Variants in LCOR observed in about 807,000 individuals in gnomAD.
The protein encoded by LCOR is ligand dependent nuclear receptor corepressor.
In LCOR, 14 loss-of-function variants were observed where a neutral mutation model predicts 64.4. The observed-to-expected ratio is 0.22, with a 90% CI of 0.14 to 0.34. LCOR has a LOEUF of 0.34. Ranked by LOEUF, LCOR falls within the 10% of genes least tolerant of loss-of-function variation. The pLI is 1.00. For synonymous variants in LCOR, 643 were observed against 642.5 expected (o/e 1.00, Z -0.01); for missense variants, 1,686 against 1,765.3 (o/e 0.96, Z 0.80).
At chr10:96,958,531 G>A (rs977781922) in intron 7 of LCOR, 5 of 721,304 alleles carry the variant, frequency 6.9e-6, no homozygotes, top group Non-Finnish European at 1.2e-5. Context: ...GAAAATTTGA[G>A]TACTTCTATT....
In LCOR at chr10:96,984,808, A is replaced by T. The variant is rs1384073268; in HGVS notation, c.4348A>T (p.Thr1450Ser). Residue 1450 changes from threonine to serine, a missense_variant, in exon 8 of 8, where the codon ACG becomes TCG. By Grantham distance (58) the Thr-to-Ser change is moderately conservative. This residue lies in a region of LCOR where 1,293 missense variants were observed against 1,410.4 expected (regional missense o/e 0.92). Transcript: ENST00000421806. Reference sequence around the variant, plus strand: ...CAGAAGCAGCCAACCCCCCAAAAAGACGTCTTTGAAAGAGAATAAAGTGAA... The same window carrying T: ...CAGAAGCAGCCAACCCCCCAAAAAGTCGTCTTTGAAAGAGAATAAAGTGAA... Reference protein sequence around the residue: ...RDRSSQPPKKTSLKENKVKIP... With the variant: ...RDRSSQPPKKSSLKENKVKIP... 1.2e-6 allele frequency: 2 copies of T among 1,614,098 alleles called. No individual in the cohort carries two copies. The highest frequency in any genetic ancestry group is 1.1e-5 in the South Asian group (1 of 91,076).
intron 7 of LCOR, among the ~76,000 whole-genome samples, chr10:96,969,150 G>A (rs1441761252): frequency 1.3e-5 from 2 of 152,200 alleles, no homozygotes; most frequent in African/African-American, 4.8e-5. Context: ...AGCACCTGAT[G>A]GGCATGAATT....
chr10:96,910,472 G>T (rs1312317129), intron 4 of LCOR, among the ~76,000 whole-genome samples: 1 of 152,222 alleles, frequency 6.6e-6, no homozygotes, highest in Non-Finnish European at 1.5e-5. Context: ...TGAATTGTCA[G>T]ATTTACAGTA....
chr10:96,982,468 C>T lies in LCOR; in HGVS notation c.2008C>T (p.Leu670Phe), dbSNP rs149255891. ...EEMSVPQDCH[L>F]LPSTESFSGG... ...GATGAGTGTACCCCAGGACTGTCAC[C>T]TCCTTCCCTCCACTGAAAGCTTTTC... is the stretch of plus-strand genomic sequence containing the variant. The change falls in exon 8 of 8, where the codon CTC becomes TTC. Residue 670 changes from leucine (L) to phenylalanine (F), a missense_variant. Leu to Phe is a conservative substitution (Grantham distance 22). Transcript: ENST00000421806. 1,631 of 1,614,232 alleles carry T rather than the reference C, an allele frequency of 1.0e-3. 6 individuals carry two copies. The highest frequency in any genetic ancestry group is 2.4e-3 in the Admixed American group (145 of 60,036).
intron 5 of LCOR, among the ~76,000 whole-genome samples, chr10:96,947,608 A>T (rs1227490753): frequency 1.3e-5 from 2 of 152,140 alleles, no homozygotes; most frequent in Non-Finnish European, 2.9e-5. Context: ...GTAAAACCTC[A>T]AAAGTGTGGT....
At position 96,983,386 on chromosome 10, in the gene LCOR, A is replaced by G. The variant is rs748419558; in HGVS notation, c.2926A>G (p.Lys976Glu). The change falls in exon 8 of 8, where the codon AAA becomes GAA. Residue 976 changes from lysine (K) to glutamate (E), a missense_variant. Physicochemically the swap from Lys to Glu is moderately conservative, Grantham distance 56. Transcript: ENST00000421806. This position sits in a 1 kb window ranked among gnomAD's most constrained non-coding sequence, Gnocchi z 4.5. ...TTGTAAGAGGGACCCAGAACAGGCAAAAGAAGAGCCAGGGCATATTCCCAC... is the reference window on the plus strand; with the variant it reads ...TTGTAAGAGGGACCCAGAACAGGCAGAAGAAGAGCCAGGGCATATTCCCAC... ...IACKRDPEQA[K>E]EEPGHIPTQH... 6.5e-5 allele frequency: 105 copies of G among 1,614,058 alleles called. 1 individual carries two copies. In the Admixed American group the frequency reaches 1.7e-3, roughly 27 times the overall value.
At chr10:96,940,303 ATTTTTTTTTTTT>A (rs552752409) in intron 4 of LCOR, among the ~76,000 whole-genome samples, 228 of 65,456 alleles carry the variant, frequency 3.5e-3, no homozygotes, top group South Asian at 0.012. Flanking sequence ...GGTGGTCATG[ATTTTTTTTTTTT>A]TTTTTTTTTT....
At chr10:96,866,624 A>T (rs1311006231) in intron 2 of LCOR, among the ~76,000 whole-genome samples, 49 of 152,210 alleles carry the variant, frequency 3.2e-4, no homozygotes, top group Admixed American at 3.1e-3. Flanking sequence ...CTTGTTGCCC[A>T]GGCTAGAGTG....
chr10:96,985,348 G>C lies in LCOR; in HGVS notation c.*214G>C. On this transcript the variant is annotated 3_prime_UTR_variant, in exon 8 of 8. Transcript: ENST00000421806. ...TAAGGGAAGTTATATATTATATTCT[G>C]GTTGTTCCTTGGGTTTTAAACTTGG... 1 of 510,972 alleles carries C rather than the reference G, an allele frequency of 2.0e-6. No individual in the cohort carries two copies. The highest frequency in any genetic ancestry group is 3.7e-5 in the East Asian group (1 of 27,258). 31.7% of individuals were successfully genotyped at this position (510,972 alleles called of 1,614,324 possible).
At chr10:96,839,543 GA>G (rs1004723043) in intron 2 of LCOR, among the ~76,000 whole-genome samples, 13 of 152,198 alleles carry the variant, frequency 8.5e-5, no homozygotes, top group Admixed American at 2.6e-4. Flanking sequence ...TGTTTTGAAT[GA>G]ATCTGTTCCA....
chr10:96,833,146 T>C, intron 1 of LCOR: 15 of 985,164 alleles, frequency 1.5e-5, no homozygotes, highest in Non-Finnish European at 1.8e-5. Flanking sequence ...TTCGGTGTCG[T>C]GCTGCGGGAG....
chr10:96,853,455 A>G (rs952131886), intron 2 of LCOR, among the ~76,000 whole-genome samples: 1 of 152,262 alleles, frequency 6.6e-6, no homozygotes, highest in Non-Finnish European at 1.5e-5. Flanking sequence ...AATGGTGCTT[A>G]TCAATCACAA....
intron 2 of LCOR, among the ~76,000 whole-genome samples, chr10:96,837,123 T>A (rs1237339095): frequency 6.6e-5 from 10 of 152,068 alleles, no homozygotes; most frequent in Non-Finnish European, 1.5e-4. Context: ...TCCGAGTAGC[T>A]GGGACTACAG....
At chr10:96,934,572 A>G (rs1399008255) in intron 4 of LCOR, among the ~76,000 whole-genome samples, 1 of 152,104 alleles carries the variant, frequency 6.6e-6, no homozygotes, top group Non-Finnish European at 1.5e-5. Flanking sequence ...CTCCTAGGAG[A>G]TAGAAATTCC....
intron 2 of LCOR, among the ~76,000 whole-genome samples, chr10:96,875,797 T>C (rs1370031004): frequency 6.6e-6 from 1 of 151,770 alleles, no homozygotes; most frequent in Non-Finnish European, 1.5e-5. Flanking sequence ...AGGAGGTTCA[T>C]TGAGGCTGCA....
intron 2 of LCOR, among the ~76,000 whole-genome samples, chr10:96,845,996 C>G (rs1241630319): frequency 6.6e-6 from 1 of 152,078 alleles, no homozygotes; most frequent in Non-Finnish European, 1.5e-5. Context: ...TATTTGAGGT[C>G]AGGAGTTTGA....
Position 96,981,919 on chromosome 10 carries a change from C to A in LCOR, c.1459C>A (p.Gln487Lys), listed in dbSNP as rs1346389478. The A allele has an allele frequency of 1.4e-5, 22 of 1,613,944 alleles. No homozygotes were observed. The highest frequency in any genetic ancestry group is 1.8e-5 in the Non-Finnish European group (21 of 1,180,028). The part of the protein sequence containing the change: ...QPITECHFEN[Q>K]KSILSSRKTA... ...AATAACAGAATGCCACTTTGAGAAT[C>A]AAAAATCAATATTATCTTCTCGGAA... Residue 487 changes from glutamine to lysine, a missense_variant, in exon 8 of 8, where the codon CAA becomes AAA. Coordinates refer to ENST00000421806, the MANE Select transcript of LCOR (RefSeq NM_001346516.2).
chr10:96,840,193 A>C (rs1423179504), intron 2 of LCOR, among the ~76,000 whole-genome samples: 1 of 152,176 alleles, frequency 6.6e-6, no homozygotes, highest in Non-Finnish European at 1.5e-5. Flanking sequence ...GTGAGGGTCA[A>C]GTTAGGAAAG....
intron 2 of LCOR, among the ~76,000 whole-genome samples, chr10:96,901,266 A>G (rs1846632802): frequency 6.6e-6 from 1 of 152,130 alleles, no homozygotes; most frequent in African/African-American, 2.4e-5. Context: ...CAGTCCTTCC[A>G]CTTAAGCTTC....
Sources: gnomAD v4.1 joint callset for allele counts (sites outside exome capture counted in the v4.1 genomes callset) on GRCh38, gnomAD v4.1.1 for gene constraint, gnomAD v4.1.1 regional missense constraint, Gnocchi (gnomAD v3.1) non-coding constraint, MANE v1.5 for transcripts, NCBI Gene and HGNC (gene_info 2026-07-23, HGNC 2026-07-21) for gene names.